The following SMCO4 variants were observed in gnomAD, a reference collection of about 807,000 sequenced individuals.
SMCO4 encodes single-pass membrane protein with coiled-coil domains 4.
In SMCO4, 4 loss-of-function variants were observed where a neutral mutation model predicts 3.6. The ratio of observed to expected loss-of-function variants is 1.11; its 90% confidence interval spans 0.54 to 2.53. The LOEUF (loss-of-function observed/expected upper bound fraction) is 2.53. Among genes scored for constraint, SMCO4 ranks in the 30% most tolerant of loss-of-function variants. The pLI is 0.02. For synonymous variants in SMCO4, 36 were observed against 35.3 expected (o/e 1.02, Z -0.07); for missense variants, 70 against 80.8 (o/e 0.87, Z 0.51).
chr11:93,545,445 G>A (rs1233419542), upstream of SMCO4, among the ~76,000 whole-genome samples: 1 of 151,962 alleles, frequency 6.6e-6, no homozygotes. Context: ...AAACTAGCTG[G>A]GCGTGGTGGC....
chr11:93,534,792 G>A (rs1949203677), intron 1 of SMCO4, among the ~76,000 whole-genome samples: 1 of 152,122 alleles, frequency 6.6e-6, no homozygotes, highest in African/African-American at 2.4e-5. Context: ...TGCAGGGAGG[G>A]CCCCGAGATC....
intron 1 of SMCO4, chr11:93,523,224 CCAG>C (rs1283921118): frequency 2.0e-5 from 3 of 151,546 alleles, no homozygotes; most frequent in African/African-American, 7.3e-5. Context: ...ATTGCCTGTC[CCAG>C]CTACTCAGGA....
intron 1 of SMCO4, among the ~76,000 whole-genome samples, chr11:93,536,619 G>A (rs971109404): frequency 3.3e-5 from 5 of 152,114 alleles, no homozygotes; most frequent in African/African-American, 1.2e-4. Context: ...TTCAGGACAC[G>A]GATCCAACTG....
rs189909343 is a variant in SMCO4 at position 93,508,006 on chromosome 11, A to C, written c.-153-8658T>G. 1.0e-3 allele frequency among the ~76,000 whole-genome samples: 159 copies of C among 152,334 alleles called. 1 individual carries two copies. The highest frequency in any genetic ancestry group is 3.7e-3 in the African/African-American group (155 of 41,582). On this transcript the variant is annotated intron_variant, in intron 1 of 2. Coordinates refer to ENST00000298966, the MANE Select transcript of SMCO4 (RefSeq NM_020179.3). The stretch of plus-strand genomic sequence containing the variant: ...ATTAAAAATGCTACTTTATATTATC[A>C]TATATCATATAATGGGTTTATTGTT...
chr11:93,537,963 C>A (rs1051523596), intron 1 of SMCO4: 3 of 152,550 alleles, frequency 2.0e-5, no homozygotes, highest in African/African-American at 4.8e-5. Context: ...GACCACCTGA[C>A]CTCCGGCCTG....
chr11:93,491,885 C>T (rs1008297206), intron 2 of SMCO4, among the ~76,000 whole-genome samples: 14 of 152,152 alleles, frequency 9.2e-5, no homozygotes, highest in East Asian at 5.8e-4. Flanking sequence ...CCCCTAGACA[C>T]GTAACACAGC....
intron 2 of SMCO4, among the ~76,000 whole-genome samples, chr11:93,490,890 G>A (rs777825813): frequency 6.6e-6 from 1 of 152,218 alleles, no homozygotes; most frequent in Admixed American, 6.5e-5. Context: ...CTGAAGAAGG[G>A]ACTTCAGAAA....
chr11:93,500,580 C>T (rs3794007), intron 1 of SMCO4, among the ~76,000 whole-genome samples: 18,167 of 151,988 alleles, frequency 0.12, 1,337 homozygotes, highest in Non-Finnish European at 0.17. Flanking sequence ...AGGGATGGGA[C>T]GCAGAACTGG....
At chr11:93,539,285 G>T (rs1200301041) in intron 1 of SMCO4, among the ~76,000 whole-genome samples, 3 of 151,394 alleles carry the variant, frequency 2.0e-5, no homozygotes, top group African/African-American at 7.3e-5. Flanking sequence ...AAAAATACAT[G>T]CAAGATCTAA....
chr11:93,480,909 T>C (rs932811536), intron 2 of SMCO4, among the ~76,000 whole-genome samples: 1 of 152,186 alleles, frequency 6.6e-6, no homozygotes, highest in African/African-American at 2.4e-5. Flanking sequence ...TTTCCTAAGG[T>C]ATGAGATGAC....
chr11:93,484,638 G>A lies in SMCO4; in HGVS notation c.-80-5369C>T, dbSNP rs528835648. ...GGTACACAGTAACTTGCTGTCCAGC[G>A]AGGTCTGTGCTGTGGAGATGTACAT... On this transcript the variant is annotated intron_variant, in intron 2 of 2. Coordinates refer to ENST00000298966, the MANE Select transcript of SMCO4 (RefSeq NM_020179.3). Among the ~76,000 whole-genome samples, 121 of 152,120 alleles carry A rather than the reference G, an allele frequency of 8.0e-4. 1 individual carries two copies. The highest frequency in any genetic ancestry group is 2.7e-3 in the African/African-American group (114 of 41,512).
rs1380785660 is a variant in SMCO4 at position 93,479,229 on chromosome 11, T to A, written c.-40A>T. The A allele has an allele frequency of 4.4e-6, 7 of 1,594,524 alleles. No individual in the cohort carries two copies. Among genetic ancestry groups the A allele is most frequent in the Non-Finnish European group, 5.1e-6 (6 of 1,168,194 alleles). On this transcript the variant is annotated 5_prime_UTR_variant, in exon 3 of 3. Coordinates refer to ENST00000298966, the MANE Select transcript of SMCO4 (RefSeq NM_020179.3). ...GCTAGGAGGGTGTGTCCAGAGGGAT[T>A]CCAGGAAGGGCCACACTCCTCTTGC... is the stretch of plus-strand genomic sequence containing the variant.
chr11:93,546,112 A>G (rs562901193), upstream of SMCO4, among the ~76,000 whole-genome samples: 1 of 152,362 alleles, frequency 6.6e-6, no homozygotes, highest in East Asian at 1.9e-4. Flanking sequence ...ACAGTAATAG[A>G]TAACTGACAC....
intron 1 of SMCO4, among the ~76,000 whole-genome samples, chr11:93,512,203 A>C (rs1948963884): frequency 6.6e-6 from 1 of 152,208 alleles, no homozygotes; most frequent in African/African-American, 2.4e-5. Flanking sequence ...ATGAGGACTT[A>C]GTGTACAGTC....
At chr11:93,480,163 T>G (rs1948575259) in intron 2 of SMCO4, among the ~76,000 whole-genome samples, 1 of 152,216 alleles carries the variant, frequency 6.6e-6, no homozygotes, top group South Asian at 2.1e-4. Context: ...TCGAGTTTAC[T>G]TAAAGGCCTT....
chr11:93,491,864 C>A (rs1948721594), intron 2 of SMCO4, among the ~76,000 whole-genome samples: 1 of 152,174 alleles, frequency 6.6e-6, no homozygotes, highest in South Asian at 2.1e-4. Flanking sequence ...TGTGGGCTAA[C>A]AGCCCCTTCT....
chr11:93,522,895 A>C (rs908610067), intron 1 of SMCO4, among the ~76,000 whole-genome samples: 1 of 152,206 alleles, frequency 6.6e-6, no homozygotes, highest in Non-Finnish European at 1.5e-5. Context: ...CACAGCAATA[A>C]GAGGGCTATC....
chr11:93,549,627 T>A, the SMCO4 span, among the ~76,000 whole-genome samples: 51 of 25,440 alleles, frequency 2.0e-3, 1 homozygote, highest in East Asian at 0.027. Context: ...TTATTTATTT[T>A]TTTTTTTTTT....
chr11:93,524,868 G>C (rs1022082947), intron 1 of SMCO4, among the ~76,000 whole-genome samples: 1 of 152,068 alleles, frequency 6.6e-6, no homozygotes, highest in African/African-American at 2.4e-5. Context: ...GAAAAATAGT[G>C]AAACAGGAAA....
Sources: gnomAD v4.1 joint callset for allele counts (sites outside exome capture counted in the v4.1 genomes callset) on GRCh38, gnomAD v4.1.1 for gene constraint, MANE v1.5 for transcripts, NCBI Gene and HGNC (gene_info 2026-07-23, HGNC 2026-07-21) for gene names.